FCRL1: variants seen among roughly 807,000 people sequenced by gnomAD.
FCRL1 encodes Fc receptor-like protein 1.
In FCRL1, 34 loss-of-function variants were observed where a neutral mutation model predicts 49.2. The observed-to-expected ratio is 0.69, with a 90% CI of 0.53 to 0.92. The LOEUF (loss-of-function observed/expected upper bound fraction) is 0.92. FCRL1 is among the 40% of genes least tolerant of loss of function. The pLI is 0.00. For synonymous variants in FCRL1, 218 were observed against 201.6 expected (o/e 1.08, Z -0.69); for missense variants, 524 against 524.1 (o/e 1.00, Z 0.00).
intron 1 of FCRL1, among the ~76,000 whole-genome samples, chr1:157,814,248 T>A (rs148490666): frequency 6.6e-6 from 1 of 152,050 alleles, no homozygotes; most frequent in Non-Finnish European, 1.5e-5. Flanking sequence ...TGGTTAAAAG[T>A]CAAAATGGTC....
At chr1:157,812,224 C>A (rs950362090) in intron 1 of FCRL1, among the ~76,000 whole-genome samples, 2 of 152,296 alleles carry the variant, frequency 1.3e-5, no homozygotes, top group Admixed American at 6.5e-5. Context: ...CCCTCTGAAG[C>A]CTGAGCTGCT....
chr1:157,805,668 G>A (rs1249860951), intron 2 of FCRL1, among the ~76,000 whole-genome samples: 1 of 152,184 alleles, frequency 6.6e-6, no homozygotes, highest in East Asian at 1.9e-4. Flanking sequence ...GGCCGAGCCT[G>A]GTGGATCACC....
At chr1:157,817,911 A>G (rs1413145017) in intron 1 of FCRL1, among the ~76,000 whole-genome samples, 1 of 152,172 alleles carries the variant, frequency 6.6e-6, no homozygotes, top group East Asian at 1.9e-4. Context: ...AAAATGCCCA[A>G]TATCACTAAT....
At chr1:157,810,521 T>C in intron 1 of FCRL1, among the ~76,000 whole-genome samples, 1 of 151,878 alleles carries the variant, frequency 6.6e-6, no homozygotes, top group Admixed American at 6.6e-5. Flanking sequence ...GGTCTTATAC[T>C]CCTGACCTCA....
chr1:157,817,305 C>A (rs1655180042), intron 1 of FCRL1, among the ~76,000 whole-genome samples: 2 of 152,032 alleles, frequency 1.3e-5, no homozygotes, highest in South Asian at 4.1e-4. Context: ...ATCAAAACAG[C>A]ATTGTACAGG....
chr1:157,810,167 T>C (rs1324963547), intron 1 of FCRL1, among the ~76,000 whole-genome samples: 1 of 152,108 alleles, frequency 6.6e-6, no homozygotes, highest in East Asian at 1.9e-4. Flanking sequence ...GGATGAAAGA[T>C]TGATTTAAGT....
intron 2 of FCRL1, among the ~76,000 whole-genome samples, chr1:157,806,405 T>C (rs1443845551): frequency 6.6e-6 from 1 of 152,170 alleles, no homozygotes; most frequent in African/African-American, 2.4e-5. Context: ...GATAGCAATT[T>C]TTACATTTTA....
intron 2 of FCRL1, chr1:157,806,570 T>G (rs554284285): frequency 6.6e-6 from 1 of 152,472 alleles, no homozygotes; most frequent in Admixed American, 6.5e-5. Context: ...GGGTAACAGG[T>G]GTGGCTGCAG....
At chr1:157,807,024 C>A in intron 2 of FCRL1, 78 bp downstream of exon 2, 2 of 1,530,512 alleles carry the variant, frequency 1.3e-6, no homozygotes, top group Non-Finnish European at 1.8e-6. Context: ...GCTAAGACAG[C>A]AATCTGCAGG....
chr1:157,814,773 A>C (rs1654808201), intron 1 of FCRL1, among the ~76,000 whole-genome samples: 1 of 151,976 alleles, frequency 6.6e-6, no homozygotes, highest in African/African-American at 2.4e-5. Flanking sequence ...GATGAAAAAG[A>C]AATACCATGA....
chr1:157,809,559 C>T (rs1210354328), intron 1 of FCRL1, among the ~76,000 whole-genome samples: 1 of 152,194 alleles, frequency 6.6e-6, no homozygotes, highest in African/African-American at 2.4e-5. Context: ...AGCGATTCTC[C>T]TGCCTCAGCC....
At position 157,795,895 on chromosome 1, in the gene FCRL1, A is replaced by T; in HGVS notation, c.*204T>A. ...TGGTTCTGATAACAAAGTCCCTGTCACTCCTGTGTCTATTAGTTCTCCTAG... is the reference window on the plus strand; with the variant it reads ...TGGTTCTGATAACAAAGTCCCTGTCTCTCCTGTGTCTATTAGTTCTCCTAG... On this transcript the variant is annotated 3_prime_UTR_variant, in exon 11 of 11. Coordinates refer to ENST00000368176, the MANE Select transcript of FCRL1 (RefSeq NM_052938.5). 1 of 494,266 alleles carries T rather than the reference A, an allele frequency of 2.0e-6. No homozygotes were observed. Among genetic ancestry groups the T allele is most frequent in the East Asian group, 3.0e-5 (1 of 33,826 alleles). The allele number at this position is 494,266 out of a possible 1,614,324, so 30.6% of individuals were successfully genotyped here. A position where few individuals can be genotyped will look rare whatever the true frequency, so the allele number is the denominator to read the frequency against.
At chr1:157,811,310 G>A (rs1488896849) in intron 1 of FCRL1, among the ~76,000 whole-genome samples, 1 of 152,184 alleles carries the variant, frequency 6.6e-6, no homozygotes, top group African/African-American at 2.4e-5. Flanking sequence ...GGGAATGGCA[G>A]AAATCTTGTG....
At position 157,804,109 on chromosome 1, in the gene FCRL1, G is replaced by A; in HGVS notation, c.55C>T (p.Leu19=). Residue 19 remains leucine (L), a splice_region_variant and synonymous_variant, in exon 3 of 11, where the codon CTG becomes TTG. Coordinates refer to ENST00000368176, the MANE Select transcript of FCRL1 (RefSeq NM_052938.5). ...TGGGAGGGGCTGGCTATCAAAAACA[G>A]CTCTAGAGAGAGGAATTAAACACAA... is the stretch of plus-strand genomic sequence containing the variant. ...ICAPLCEPAE[L]FLIASPSHPT... 1 of 1,613,592 alleles carries A rather than the reference G, an allele frequency of 6.2e-7. No individual in the cohort carries two copies. The highest frequency in any genetic ancestry group is 8.5e-7 in the Non-Finnish European group (1 of 1,179,782).
intron 1 of FCRL1, among the ~76,000 whole-genome samples, chr1:157,816,750 T>C (rs1434011664): frequency 6.6e-6 from 1 of 151,422 alleles, no homozygotes; most frequent in Non-Finnish European, 1.5e-5. Flanking sequence ...TGTCACTGAT[T>C]TGGGCAGCAA....
At chr1:157,797,537 A>G (rs1362245739) in intron 9 of FCRL1, 2 of 601,588 alleles carry the variant, frequency 3.3e-6, no homozygotes, top group Non-Finnish European at 5.9e-6. Context: ...AATGTAGGCC[A>G]TACAATGACA....
Position 157,802,385 on chromosome 1 carries a change from G to A in FCRL1, c.599C>T (p.Thr200Ile), listed in dbSNP as rs146216789. The part of the protein sequence containing the change: ...GPSPSGLVSI[T>I]VRIPVSRPIL... ...AGGGTAGTGGAACTTACTTCTGACA[G>A]TGATGCTCACCAGCCCACTGGGGCT... Residue 200 changes from threonine to isoleucine, a missense_variant, in exon 4 of 11, where the codon ACT becomes ATT. Transcript: ENST00000368176. The A allele has an allele frequency of 9.7e-3, 15,661 of 1,614,036 alleles. 89 individuals carry two copies. Among genetic ancestry groups the A allele is most frequent in the Non-Finnish European group, 0.011 (13,405 of 1,179,938 alleles).
chr1:157,798,083 G>T, intron 8 of FCRL1, 78 bp downstream of exon 8: 1 of 1,526,036 alleles, frequency 6.6e-7, no homozygotes, highest in South Asian at 1.2e-5. Context: ...AGTCAGGTTT[G>T]GCTAGCAGAT....
rs747034419 is a variant in FCRL1, at chr1:157,807,127, G to A, written c.32-5C>T. ...CGGCAGGTTCACAGAGTGGAGCTGG[G>A]AGAGAATTCAGCAGAGATCAGTACA... On this transcript the variant is annotated splice_polypyrimidine_tract_variant and splice_region_variant and intron_variant, in intron 1 of 10. Coordinates refer to ENST00000368176, the MANE Select transcript of FCRL1 (RefSeq NM_052938.5). 2.5e-6 allele frequency: 4 copies of A among 1,613,670 alleles called. No homozygotes were observed. Among genetic ancestry groups the A allele is most frequent in the Non-Finnish European group, 8.5e-7 (1 of 1,179,816 alleles).
Sources: allele counts gnomAD v4.1 joint callset (sites outside exome capture counted in the v4.1 genomes callset), GRCh38; gene constraint gnomAD v4.1.1; transcripts MANE v1.5; gene names NCBI Gene and HGNC (gene_info 2026-07-23, HGNC 2026-07-21).